The following PCSK2 variants were observed in gnomAD, a reference collection of about 807,000 sequenced individuals.
The protein encoded by PCSK2 is proprotein convertase subtilisin/kexin type 2.
Under a neutral mutation model 69.7 loss-of-function variants are expected in PCSK2, and 14 were observed. The observed-to-expected ratio is 0.20, with a 90% CI of 0.13 to 0.31. The LOEUF (loss-of-function observed/expected upper bound fraction) is 0.31, where lower values mean the gene tolerates loss of function less well. Ranked by LOEUF, PCSK2 falls within the 10% of genes least tolerant of loss-of-function variation. The pLI is 1.00. For synonymous variants in PCSK2, 307 were observed against 320.7 expected, an observed-to-expected ratio of 0.96 and a Z score of 0.46; for missense variants, 544 against 842.5, an observed-to-expected ratio of 0.65 and a Z score of 4.39.
intron 2 of PCSK2, among the ~76,000 whole-genome samples, chr20:17,342,631 A>AAT (rs1990538637): frequency 6.7e-6 from 1 of 150,304 alleles, no homozygotes; most frequent in Non-Finnish European, 1.5e-5. Flanking sequence ...AAAGCTCTTT[A>AAT]ATAAACTTTT....
chr20:17,410,356 A>G (rs1476490973), intron 6 of PCSK2, among the ~76,000 whole-genome samples: 1 of 152,184 alleles, frequency 6.6e-6, no homozygotes, highest in East Asian at 1.9e-4. Context: ...AGGCAGCATG[A>G]TGACCAGAAT....
intron 1 of PCSK2, among the ~76,000 whole-genome samples, chr20:17,244,293 A>T (rs6044695): frequency 0.41 from 62,563 of 152,114 alleles, 14,159 homozygotes; most frequent in East Asian, 0.56. Flanking sequence ...GCTAAAAGAA[A>T]AAATGTGTAC....
chr20:17,295,317 C>T (rs911922140), intron 2 of PCSK2, among the ~76,000 whole-genome samples: 1 of 151,718 alleles, frequency 6.6e-6, no homozygotes, highest in African/African-American at 2.4e-5. Flanking sequence ...AGCAAGGAGA[C>T]TGGGCAGAGC....
chr20:17,257,130 T>C (rs936752714), intron 1 of PCSK2, among the ~76,000 whole-genome samples: 31 of 152,028 alleles, frequency 2.0e-4, no homozygotes, highest in African/African-American at 7.2e-5. Context: ...CAGACACTTC[T>C]CAAAGGAAGA....
chr20:17,348,051 G>T (rs867822210), intron 2 of PCSK2, among the ~76,000 whole-genome samples: 1 of 4,914 alleles, frequency 2.0e-4, no homozygotes, highest in Non-Finnish European at 5.1e-4. Flanking sequence ...AGAAAGAAAG[G>T]AAAGAAAGAA....
chr20:17,358,098 G>T (rs2123209259), intron 2 of PCSK2, among the ~76,000 whole-genome samples: 1 of 151,734 alleles, frequency 6.6e-6, no homozygotes, highest in East Asian at 2.0e-4. Context: ...TTGAGCTCGG[G>T]AGTTCGAGAC....
chr20:17,261,165 GT>G (rs1987368843), intron 2 of PCSK2, among the ~76,000 whole-genome samples: 1 of 152,110 alleles, frequency 6.6e-6, no homozygotes, highest in African/African-American at 2.4e-5. Context: ...TCTGATTTCT[GT>G]TACAAGAATC....
intron 11 of PCSK2, among the ~76,000 whole-genome samples, chr20:17,471,661 C>T (rs1600606642): frequency 6.6e-6 from 1 of 152,352 alleles, no homozygotes; most frequent in East Asian, 1.9e-4. Flanking sequence ...CCTCTCAGTG[C>T]CCTCCGGTCC....
chr20:17,233,262 CT>C lies in PCSK2; in HGVS notation c.177+5781del, dbSNP rs573774728. Reference sequence around the variant, plus strand: ...GAAAATGGTTAATAAAATATGGTGGCTGTGAAAAATAAATAATGTAGTTAGT... The same window carrying C: ...GAAAATGGTTAATAAAATATGGTGGCGTGAAAAATAAATAATGTAGTTAGT... On this transcript the variant is annotated intron_variant, in intron 1 of 11. Coordinates refer to ENST00000262545, the MANE Select transcript of PCSK2 (RefSeq NM_002594.5). Among the ~76,000 whole-genome samples the C allele has an allele frequency of 4.0e-3, 609 of 152,238 alleles. 1 individual carries two copies. Among genetic ancestry groups the C allele is most frequent in the African/African-American group, 0.014 (568 of 41,542 alleles).
At chr20:17,355,019 C>T (rs1300312231) in intron 2 of PCSK2, among the ~76,000 whole-genome samples, 3 of 152,160 alleles carry the variant, frequency 2.0e-5, no homozygotes, top group Non-Finnish European at 4.4e-5. Context: ...ACTCAGAAAG[C>T]CCCCTTCAGT....
intron 7 of PCSK2, among the ~76,000 whole-genome samples, chr20:17,433,806 T>C (rs2032418297): frequency 8.4e-6 from 1 of 119,522 alleles, no homozygotes; most frequent in Non-Finnish European, 1.8e-5. Context: ...TCTCTCTCTC[T>C]CTCTCTCCCC....
At chr20:17,459,997 GTTTA>G (rs2032986658) in intron 10 of PCSK2, among the ~76,000 whole-genome samples, 1 of 152,176 alleles carries the variant, frequency 6.6e-6, no homozygotes, top group African/African-American at 2.4e-5. Flanking sequence ...AGAGACAAGG[GTTTA>G]TTTCTCTGTC....
At chr20:17,254,843 T>C (rs1479362290) in intron 1 of PCSK2, among the ~76,000 whole-genome samples, 4 of 152,244 alleles carry the variant, frequency 2.6e-5, no homozygotes, top group Non-Finnish European at 5.9e-5. Flanking sequence ...CTTTAATTTC[T>C]TTCAGTGATG....
At chr20:17,437,135 GC>G (rs199651173) in intron 8 of PCSK2, among the ~76,000 whole-genome samples, 63 of 86,088 alleles carry the variant, frequency 7.3e-4, no homozygotes, top group Non-Finnish European at 1.5e-3. Flanking sequence ...GAAGGAAGGG[GC>G]CGGGGGGGGG....
At chr20:17,449,530 A>T (rs977046461) in intron 8 of PCSK2, among the ~76,000 whole-genome samples, 1 of 147,236 alleles carries the variant, frequency 6.8e-6, no homozygotes, top group Admixed American at 6.8e-5. Flanking sequence ...ATGTATGTAT[A>T]TATATATATG....
Position 17,338,173 on chromosome 20 carries a change from G to T in PCSK2, c.283-20154G>T, listed in dbSNP as rs1305259263. ...GAGAAGAAACCTTACATTTTTTTTG[G>T]GGGGGGGGGTTGTGTTTTTGTTTTT... On this transcript the variant is annotated intron_variant, in intron 2 of 11. Transcript: ENST00000262545. Among the ~76,000 whole-genome samples the T allele has an allele frequency of 4.6e-3, 649 of 140,986 alleles. 14 individuals carry two copies. Among genetic ancestry groups the T allele is most frequent in the African/African-American group, 0.016 (589 of 37,522 alleles). 92.5% of individuals were successfully genotyped at this position (140,986 alleles called of 152,430 possible). A position where few individuals can be genotyped will look rare whatever the true frequency, so the allele number is the denominator to read the frequency against.
At chr20:17,313,170 T>C (rs983376573) in intron 2 of PCSK2, among the ~76,000 whole-genome samples, 1 of 152,210 alleles carries the variant, frequency 6.6e-6, no homozygotes, top group African/African-American at 2.4e-5. Flanking sequence ...TATTCTAAAC[T>C]ACATTAGTGA....
chr20:17,430,709 T>G (rs192050011), intron 7 of PCSK2, among the ~76,000 whole-genome samples: 1 of 152,300 alleles, frequency 6.6e-6, no homozygotes. Flanking sequence ...GGGGAAAGAA[T>G]ATCACTCGGT....
chr20:17,444,222 G>A (rs2123364574), intron 8 of PCSK2, among the ~76,000 whole-genome samples: 1 of 152,232 alleles, frequency 6.6e-6, no homozygotes, highest in Middle Eastern at 3.4e-3. Flanking sequence ...TTATCATCCT[G>A]TACATATGTT....
Sources: gnomAD v4.1 joint callset for allele counts (sites outside exome capture counted in the v4.1 genomes callset) on GRCh38, gnomAD v4.1.1 for gene constraint, MANE v1.5 for transcripts, NCBI Gene and HGNC (gene_info 2026-07-23, HGNC 2026-07-21) for gene names.